Variants in MTUS1 observed in about 807,000 individuals in gnomAD.
MTUS1 encodes microtubule-associated tumor suppressor 1.
Under a neutral mutation model 120.8 loss-of-function variants are expected in MTUS1, and 109 were observed. The observed-to-expected ratio is 0.90, with a 90% CI of 0.77 to 1.06. MTUS1 has a LOEUF of 1.06. Among genes scored for constraint, MTUS1 ranks in the 50% least tolerant of loss-of-function variants. The pLI, the probability that MTUS1 is intolerant of heterozygous loss-of-function variation, is 0.00. For synonymous variants in MTUS1, 737 were observed against 550.5 expected (o/e 1.34, Z -4.74); for missense variants, 2,210 against 1,486.3 (o/e 1.49, Z -8.01).
chr8:17,777,397 C>A (rs771354485), intron 1 of MTUS1, among the ~76,000 whole-genome samples: 26 of 151,334 alleles, frequency 1.7e-4, no homozygotes, highest in Non-Finnish European at 2.8e-4. Context: ...TGAGATCACA[C>A]CACTGTACTC....
chr8:17,694,474 T>C lies in MTUS1; in HGVS notation c.2624-9932A>G, dbSNP rs573455752. ...TGAGGTCAGGAGTTCCAGACCAGTA[T>C]GGCCAACATGGTGAAACCCCATCTC... On this transcript the variant is annotated intron_variant, in intron 6 of 14. Transcript: ENST00000693296. Among the ~76,000 whole-genome samples the C allele has an allele frequency of 2.0e-5, 3 of 152,128 alleles. No individual in the cohort carries two copies. In the South Asian group the frequency reaches 6.2e-4, roughly 32 times the overall value.
At chr8:17,661,328 T>C (rs1435590220) in intron 8 of MTUS1, among the ~76,000 whole-genome samples, 1 of 152,114 alleles carries the variant, frequency 6.6e-6, no homozygotes, top group African/African-American at 2.4e-5. Flanking sequence ...AAATTTCCGG[T>C]ATTTCCAAAG....
At chr8:17,721,855 G>A (rs2045870167) in intron 4 of MTUS1, 2 of 1,613,892 alleles carry the variant, frequency 1.2e-6, no homozygotes, top group Non-Finnish European at 1.7e-6. Flanking sequence ...GATTTTTGAA[G>A]AAATATCAGT....
intron 6 of MTUS1, among the ~76,000 whole-genome samples, chr8:17,686,999 T>C (rs1362341191): frequency 3.9e-5 from 6 of 152,120 alleles, no homozygotes; most frequent in African/African-American, 1.2e-4. Context: ...ATGAAGGAAA[T>C]AGTCTATGCA....
At chr8:17,681,223 A>G (rs1356285627) in intron 7 of MTUS1, among the ~76,000 whole-genome samples, 3 of 152,046 alleles carry the variant, frequency 2.0e-5, no homozygotes, top group Admixed American at 6.6e-5. Flanking sequence ...TGTGAGCCAC[A>G]GCGCCCGGCC....
At chr8:17,767,203 A>G (rs993027357) in intron 1 of MTUS1, among the ~76,000 whole-genome samples, 6 of 151,472 alleles carry the variant, frequency 4.0e-5, no homozygotes, top group Admixed American at 2.6e-4. Context: ...AAAAAAAAAA[A>G]AAAAAAAAAG....
At chr8:17,783,093 A>AACAC (rs1554542705) in intron 1 of MTUS1, among the ~76,000 whole-genome samples, 1 of 151,998 alleles carries the variant, frequency 6.6e-6, no homozygotes, top group Non-Finnish European at 1.5e-5. Flanking sequence ...CAAACAAACA[A>AACAC]ACACACACAC....
chr8:17,694,050 A>G (rs1199940417), intron 6 of MTUS1, among the ~76,000 whole-genome samples: 2 of 152,236 alleles, frequency 1.3e-5, no homozygotes, highest in Admixed American at 6.5e-5. Context: ...CTTATTATAC[A>G]AAAGTGTTCA....
chr8:17,768,331 A>T (rs1423992776), intron 1 of MTUS1, among the ~76,000 whole-genome samples: 1 of 152,216 alleles, frequency 6.6e-6, no homozygotes, highest in African/African-American at 2.4e-5. Flanking sequence ...CTCAATCCAA[A>T]ATAAATAAAA....
chr8:17,756,208 C>T (rs563423088), intron 1 of MTUS1, among the ~76,000 whole-genome samples: 1 of 152,302 alleles, frequency 6.6e-6, no homozygotes, highest in African/African-American at 2.4e-5. Flanking sequence ...AACCCTGTCC[C>T]TGACTTTATA....
At chr8:17,759,856 T>A (rs2131371831) in intron 1 of MTUS1, among the ~76,000 whole-genome samples, 1 of 151,824 alleles carries the variant, frequency 6.6e-6, no homozygotes, top group Admixed American at 6.6e-5. Context: ...AAAGAAGCCA[T>A]CAACCATTTA....
chr8:17,731,200 T>C (rs1006312562), intron 3 of MTUS1, among the ~76,000 whole-genome samples: 2 of 152,154 alleles, frequency 1.3e-5, no homozygotes, highest in African/African-American at 2.4e-5. Flanking sequence ...GATATTTGAA[T>C]TGCCAAATTA....
chr8:17,777,886 G>A lies in MTUS1; in HGVS notation c.-154-21925C>T, dbSNP rs988103004. ...GACAAGAAGGAATTAGAAAACCACA[G>A]TACAGTGATTCAATAAAATGCAACT... On this transcript the variant is annotated intron_variant, in intron 1 of 14. Transcript: ENST00000693296. 4.5e-4 allele frequency among the ~76,000 whole-genome samples: 68 copies of A among 151,306 alleles called. 1 individual carries two copies. The highest frequency in any genetic ancestry group is 2.0e-3 in the Admixed American group (31 of 15,282).
At chr8:17,653,576 G>A in intron 10 of MTUS1, 78 bp from the exon 11 acceptor site, 1 of 1,013,406 alleles carries the variant, frequency 9.9e-7, no homozygotes, top group Non-Finnish European at 1.5e-6. Flanking sequence ...AAAGCATATA[G>A]ATGTAGGGGT....
chr8:17,793,956 G>C (rs1398944902), intron 1 of MTUS1, among the ~76,000 whole-genome samples: 1 of 152,162 alleles, frequency 6.6e-6, no homozygotes, highest in African/African-American at 2.4e-5. Flanking sequence ...TCCAAGAAAA[G>C]AGGTCAAATT....
intron 6 of MTUS1, among the ~76,000 whole-genome samples, chr8:17,699,472 C>A (rs181670082): frequency 6.6e-6 from 1 of 152,312 alleles, no homozygotes; most frequent in East Asian, 1.9e-4. Context: ...ACCTCGGCCT[C>A]CCAAGTGCTG....
chr8:17,657,176 G>A (rs560014299), intron 8 of MTUS1, among the ~76,000 whole-genome samples: 8 of 151,132 alleles, frequency 5.3e-5, no homozygotes, highest in South Asian at 4.2e-4. Flanking sequence ...TCTATTAAAC[G>A]CAAATCACCA....
chr8:17,709,202 G>T (rs982158309), intron 6 of MTUS1, among the ~76,000 whole-genome samples: 1 of 151,842 alleles, frequency 6.6e-6, no homozygotes, highest in South Asian at 2.1e-4. Flanking sequence ...TTACACTGAG[G>T]AAACTGAATA....
At chr8:17,744,765 C>G (rs898997875) in intron 2 of MTUS1, among the ~76,000 whole-genome samples, 4 of 140,676 alleles carry the variant, frequency 2.8e-5, no homozygotes, top group African/African-American at 1.1e-4. Flanking sequence ...AGGCTGGTCT[C>G]AAACTCCACA....
Sources: allele counts gnomAD v4.1 joint callset (sites outside exome capture counted in the v4.1 genomes callset), GRCh38; gene constraint gnomAD v4.1.1; transcripts MANE v1.5; gene names NCBI Gene and HGNC (gene_info 2026-07-23, HGNC 2026-07-21).